Variants in PTPRD observed in about 807,000 individuals in gnomAD.
The protein encoded by PTPRD is protein tyrosine phosphatase receptor type D, also known as receptor-type tyrosine-protein phosphatase delta.
In PTPRD, 34 loss-of-function variants were observed where a neutral mutation model predicts 214.5. That is an observed-to-expected ratio of 0.16 (90% confidence interval 0.12 to 0.21). The LOEUF is 0.21. Among genes scored for constraint, PTPRD ranks in the 10% least tolerant of loss-of-function variants. The pLI is 1.00. For synonymous variants in PTPRD, 1,128 were observed against 845.7 expected (o/e 1.33, Z -5.79); for missense variants, 2,545 against 2,398.7 (o/e 1.06, Z -1.27).
At chr9:9,122,415 T>A (rs979580414) in intron 10 of PTPRD, among the ~76,000 whole-genome samples, 2 of 152,228 alleles carry the variant, frequency 1.3e-5, no homozygotes, top group Non-Finnish European at 2.9e-5. Context: ...TAGAAATGGA[T>A]GAGTCAGCAA....
At chr9:9,205,336 C>G (rs2099944183) in intron 9 of PTPRD, among the ~76,000 whole-genome samples, 2 of 152,088 alleles carry the variant, frequency 1.3e-5, no homozygotes, top group African/African-American at 4.8e-5. Context: ...AAGTACTTCA[C>G]CAGTTCACAT....
intron 9 of PTPRD, among the ~76,000 whole-genome samples, chr9:9,341,995 G>A (rs1419135245): frequency 1.3e-5 from 2 of 151,950 alleles, no homozygotes; most frequent in Non-Finnish European, 2.9e-5. Context: ...TTTTAGTAGA[G>A]ACAGGATTTT....
At chr9:10,478,306 T>C (rs552793656) in intron 2 of PTPRD, among the ~76,000 whole-genome samples, 3 of 152,200 alleles carry the variant, frequency 2.0e-5, no homozygotes, top group Admixed American at 6.5e-5. Context: ...ACCCACATGT[T>C]GTATAAAATA....
chr9:9,112,949 T>C (rs1263279253), intron 10 of PTPRD, among the ~76,000 whole-genome samples: 1 of 151,404 alleles, frequency 6.6e-6, no homozygotes, highest in Admixed American at 6.6e-5. Flanking sequence ...CTTTTAGAAA[T>C]CTGAGCTCCT....
At chr9:8,391,142 T>C (rs1355271831) in intron 36 of PTPRD, among the ~76,000 whole-genome samples, 2 of 152,018 alleles carry the variant, frequency 1.3e-5, no homozygotes, top group Non-Finnish European at 2.9e-5. Context: ...GGTAACCATT[T>C]TTTTTTTCTT....
chr9:9,139,126 G>A (rs1217273730), intron 10 of PTPRD, among the ~76,000 whole-genome samples: 2 of 150,652 alleles, frequency 1.3e-5, no homozygotes, highest in Non-Finnish European at 3.0e-5. Context: ...TTATCCGTGG[G>A]GGATACATTC....
At chr9:9,907,325 C>CTAATAATAATAATAATAATTTTATTATGA (rs2077866416) in intron 5 of PTPRD, among the ~76,000 whole-genome samples, 1 of 151,844 alleles carries the variant, frequency 6.6e-6, no homozygotes, top group Non-Finnish European at 1.5e-5. Context: ...TCTGCTAGGG[C>CTAATAATAATAATAATAATTTTATTATGA]CGTCATAATA....
At chr9:10,379,488 A>T (rs1346977907) in intron 2 of PTPRD, among the ~76,000 whole-genome samples, 3 of 152,056 alleles carry the variant, frequency 2.0e-5, no homozygotes, top group African/African-American at 7.2e-5. Flanking sequence ...CCTGAGGTTC[A>T]TTTAGGTCAG....
At chr9:9,382,712 A>G (rs2062707143) in intron 9 of PTPRD, among the ~76,000 whole-genome samples, 1 of 152,078 alleles carries the variant, frequency 6.6e-6, no homozygotes, top group Non-Finnish European at 1.5e-5. Context: ...TGGGAATGTA[A>G]AACAGTACAG....
At chr9:9,617,965 G>A (rs966399789) in intron 7 of PTPRD, among the ~76,000 whole-genome samples, 1 of 149,780 alleles carries the variant, frequency 6.7e-6, no homozygotes, top group African/African-American at 2.5e-5. Flanking sequence ...CCTGCTACTC[G>A]GGAGCCTGAG....
chr9:9,542,066 A>T (rs2077710802), intron 8 of PTPRD, among the ~76,000 whole-genome samples: 1 of 151,802 alleles, frequency 6.6e-6, no homozygotes, highest in Admixed American at 6.6e-5. Flanking sequence ...TGGTTCTTTG[A>T]AAAGATCAAG....
chr9:9,736,920 C>A (rs2098308097), intron 6 of PTPRD, among the ~76,000 whole-genome samples: 1 of 151,946 alleles, frequency 6.6e-6, no homozygotes, highest in South Asian at 2.1e-4. Context: ...ACGTTGAACA[C>A]CTATTGTTAA....
chr9:10,431,702 C>A (rs866910608), intron 2 of PTPRD, among the ~76,000 whole-genome samples: 7 of 152,118 alleles, frequency 4.6e-5, no homozygotes, highest in Middle Eastern at 6.8e-3. Flanking sequence ...TCATCACTGG[C>A]CATCAGAGAA....
intron 3 of PTPRD, among the ~76,000 whole-genome samples, chr9:10,119,353 G>C (rs550994859): frequency 1.1e-4 from 16 of 152,072 alleles, no homozygotes; most frequent in Admixed American, 9.8e-4. Flanking sequence ...CATAGTGTTT[G>C]CCTTCTATGG....
intron 5 of PTPRD, among the ~76,000 whole-genome samples, chr9:9,867,096 T>C (rs141781673): frequency 7.0e-4 from 106 of 152,266 alleles, no homozygotes; most frequent in African/African-American, 2.4e-3. Flanking sequence ...ATCATAGAGG[T>C]TCACCTATGC....
chr9:8,546,870 T>G (rs1234076803), intron 14 of PTPRD, among the ~76,000 whole-genome samples: 4 of 152,184 alleles, frequency 2.6e-5, no homozygotes, highest in Non-Finnish European at 5.9e-5. Context: ...TGTCACAGTT[T>G]CCCTCTTTCT....
chr9:9,864,186 G>A (rs1175162506), intron 5 of PTPRD, among the ~76,000 whole-genome samples: 2 of 152,130 alleles, frequency 1.3e-5, no homozygotes, highest in East Asian at 3.9e-4. Flanking sequence ...GGTGCCCGCA[G>A]TCCCAGCTAC....
chr9:10,061,799 T>C (rs1247733951), intron 3 of PTPRD, among the ~76,000 whole-genome samples: 1 of 152,036 alleles, frequency 6.6e-6, no homozygotes, highest in Non-Finnish European at 1.5e-5. Flanking sequence ...AATGAAGGTT[T>C]TTGGGGATTG....
At chr9:9,920,428 A>T (rs1006515429) in intron 5 of PTPRD, among the ~76,000 whole-genome samples, 4 of 152,150 alleles carry the variant, frequency 2.6e-5, no homozygotes, top group Non-Finnish European at 4.4e-5. Flanking sequence ...ACTGATGTTG[A>T]AAAACATAAT....
Sources: allele counts gnomAD v4.1 joint callset (sites outside exome capture counted in the v4.1 genomes callset), GRCh38; gene constraint gnomAD v4.1.1; transcripts MANE v1.5; gene names NCBI Gene and HGNC (gene_info 2026-07-23, HGNC 2026-07-21).